Variants in TNNI3K observed in about 807,000 individuals in gnomAD.
TNNI3K encodes the protein TNNI3 interacting kinase.
A neutral mutation model predicts 114.5 loss-of-function variants in TNNI3K; 140 were observed. That is an observed-to-expected ratio of 1.22 (90% CI 1.07 to 1.41). TNNI3K has a LOEUF of 1.41. Ranked by LOEUF, TNNI3K falls within the 40% of genes most tolerant of loss-of-function variation. The pLI is 0.00. For synonymous variants in TNNI3K, 347 were observed against 347.5 expected (o/e 1.00, Z 0.02); for missense variants, 1,125 against 1,007.6 (o/e 1.12, Z -1.58).
At chr1:74,254,343 G>C (rs751990944) in intron 4 of TNNI3K, among the ~76,000 whole-genome samples, 1 of 152,058 alleles carries the variant, frequency 6.6e-6, no homozygotes, top group Non-Finnish European at 1.5e-5. Flanking sequence ...TCAAATTCAA[G>C]TTTTATCAAT....
At chr1:74,481,107 A>G (rs1239630944) in intron 21 of TNNI3K, 1 of 570,716 alleles carries the variant, frequency 1.8e-6, no homozygotes, top group Non-Finnish European at 3.1e-6. Context: ...AAAAATGAAA[A>G]TGATTTTCTG....
chr1:74,402,719 T>C (rs991242731), intron 17 of TNNI3K, among the ~76,000 whole-genome samples: 1 of 152,232 alleles, frequency 6.6e-6, no homozygotes, highest in Non-Finnish European at 1.5e-5. Flanking sequence ...GAAGTCCCTG[T>C]TTCCCTTCTG....
intron 21 of TNNI3K, among the ~76,000 whole-genome samples, chr1:74,466,762 AG>A: frequency 6.6e-6 from 1 of 152,310 alleles, no homozygotes; most frequent in African/African-American, 2.4e-5. Context: ...CATGTTAGCA[AG>A]CTGAGTGGCA....
At chr1:74,405,224 G>A (rs1246822997) in intron 17 of TNNI3K, among the ~76,000 whole-genome samples, 5 of 152,010 alleles carry the variant, frequency 3.3e-5, no homozygotes, top group Non-Finnish European at 5.9e-5. Context: ...CATTAGAGAC[G>A]GGGGAGCATA....
intron 21 of TNNI3K, among the ~76,000 whole-genome samples, chr1:74,484,824 G>T (rs1668669816): frequency 6.6e-6 from 1 of 152,128 alleles, no homozygotes; most frequent in South Asian, 2.1e-4. Context: ...ATAGTGAGTG[G>T]CATTACTTGG....
chr1:74,325,188 C>A (rs1376187863), intron 5 of TNNI3K, among the ~76,000 whole-genome samples: 1 of 152,054 alleles, frequency 6.6e-6, no homozygotes, highest in Non-Finnish European at 1.5e-5. Flanking sequence ...TGTTACTTAC[C>A]CACAGACTGT....
At chr1:74,318,255 A>G (rs1264997319) in intron 5 of TNNI3K, among the ~76,000 whole-genome samples, 1 of 152,144 alleles carries the variant, frequency 6.6e-6, no homozygotes, top group Non-Finnish European at 1.5e-5. Context: ...TCCATATTGG[A>G]TGCATGAAGA....
At chr1:74,416,836 T>C (rs1319423475) in intron 17 of TNNI3K, among the ~76,000 whole-genome samples, 1 of 152,098 alleles carries the variant, frequency 6.6e-6, no homozygotes, top group African/African-American at 2.4e-5. Flanking sequence ...TTCTATTTTC[T>C]ACTTATTTCT....
chr1:74,528,303 G>T (rs866010475), intron 23 of TNNI3K, among the ~76,000 whole-genome samples: 1 of 152,086 alleles, frequency 6.6e-6, no homozygotes, highest in South Asian at 2.1e-4. Context: ...GGGTGAGGAG[G>T]GCATGGCATA....
intron 20 of TNNI3K, among the ~76,000 whole-genome samples, chr1:74,446,689 C>G (rs1230624152): frequency 6.8e-6 from 1 of 146,364 alleles, no homozygotes; most frequent in Non-Finnish European, 1.5e-5. Context: ...ACGTTTAAAT[C>G]TTTAATCCAT....
chr1:74,419,538 A>G (rs1206189767), intron 17 of TNNI3K, among the ~76,000 whole-genome samples: 1 of 151,976 alleles, frequency 6.6e-6, no homozygotes, highest in African/African-American at 2.4e-5. Context: ...AGTGCCTATC[A>G]TAGTGCTACT....
intron 23 of TNNI3K, among the ~76,000 whole-genome samples, chr1:74,528,389 A>G (rs1557629442): frequency 2.0e-5 from 3 of 152,166 alleles, no homozygotes; most frequent in East Asian, 1.9e-4. Flanking sequence ...GCAGGTGGGG[A>G]ATAGGCGGGT....
intron 1 of TNNI3K, among the ~76,000 whole-genome samples, chr1:74,235,705 A>G (rs927301834): frequency 6.6e-6 from 1 of 151,498 alleles, no homozygotes; most frequent in Non-Finnish European, 1.5e-5. Flanking sequence ...ATATTATTTT[A>G]GTTCCTTGGT....
At position 74,271,612 on chromosome 1, in the gene TNNI3K, G is replaced by A; in HGVS notation, c.348G>A (p.Leu116=). ...HLAVYKDNAE[L]ITSLLHSGAD... is the part of the protein sequence containing the mutation. The stretch of plus-strand genomic sequence containing the variant: ...TTTCCTTACAGGATAATGCAGAATT[G>A]ATCACTTCTCTGCTTCACAGTGGAG... The change falls in exon 5 of 25, where the codon TTG becomes TTA. Residue 116 remains leucine (L), a synonymous_variant. Coordinates refer to ENST00000326637, the MANE Select transcript of TNNI3K (RefSeq NM_015978.3). 6.2e-7 allele frequency: 1 copy of A among 1,604,894 alleles called. No individual in the cohort carries two copies. Among genetic ancestry groups the A allele is most frequent in the South Asian group, 1.1e-5 (1 of 89,152 alleles).
chr1:74,374,161 A>AT (rs1303113838), intron 17 of TNNI3K: 1 of 151,910 alleles, frequency 6.6e-6, no homozygotes, highest in Non-Finnish European at 1.5e-5. Flanking sequence ...CTTTAAAAAA[A>AT]TTTTTTGATC....
intron 22 of TNNI3K, among the ~76,000 whole-genome samples, chr1:74,491,252 G>A (rs45621337): frequency 0.031 from 4,779 of 152,184 alleles, 253 homozygotes; most frequent in African/African-American, 0.11. Context: ...AGAGAGTCTC[G>A]CTCTGTCTCC....
intron 17 of TNNI3K, chr1:74,371,018 T>G (rs1662568603): frequency 6.6e-6 from 1 of 151,902 alleles, no homozygotes; most frequent in Non-Finnish European, 1.5e-5. Flanking sequence ...CTCTATTTAC[T>G]TCCCATTTCC....
intron 5 of TNNI3K, among the ~76,000 whole-genome samples, chr1:74,296,623 G>A (rs763255042): frequency 9.2e-5 from 14 of 151,834 alleles, no homozygotes; most frequent in Non-Finnish European, 1.5e-5. Context: ...TACTGGGGGT[G>A]TATTTTCTGG....
At chr1:74,284,792 C>T (rs899896217) in intron 5 of TNNI3K, among the ~76,000 whole-genome samples, 4 of 152,210 alleles carry the variant, frequency 2.6e-5, no homozygotes, top group South Asian at 2.1e-4. Flanking sequence ...ATATAAATAA[C>T]TCCCACAAGC....
Sources: allele counts gnomAD v4.1 joint callset (sites outside exome capture counted in the v4.1 genomes callset), GRCh38; gene constraint gnomAD v4.1.1; transcripts MANE v1.5; gene names NCBI Gene and HGNC (gene_info 2026-07-23, HGNC 2026-07-21).